Variants in TAF3 observed in about 807,000 individuals in gnomAD.
TAF3 encodes the protein TATA-box binding protein associated factor 3, also known as transcription initiation factor TFIID subunit 3.
TAF3 carries 7 observed loss-of-function variants against 80.6 expected under a neutral mutation model. The observed-to-expected ratio is 0.09, with a 90% CI of 0.05 to 0.16. The LOEUF (loss-of-function observed/expected upper bound fraction) is 0.16. TAF3 is among the 10% of genes least tolerant of loss of function. The pLI, the probability that TAF3 is intolerant of heterozygous loss-of-function variation, is 1.00. For synonymous variants in TAF3, 444 were observed against 446.1 expected (o/e 1.00, Z 0.06); for missense variants, 921 against 1,140.2 (o/e 0.81, Z 2.77).
chr10:7,839,739 G>T (rs760009796), intron 2 of TAF3, among the ~76,000 whole-genome samples: 1 of 151,720 alleles, frequency 6.6e-6, no homozygotes, highest in Non-Finnish European at 1.5e-5. Flanking sequence ...TTCTATTCAG[G>T]TTACTTTTTC....
At chr10:7,977,739 T>C (rs751292283) in intron 4 of TAF3, among the ~76,000 whole-genome samples, 38 of 152,224 alleles carry the variant, frequency 2.5e-4, no homozygotes, top group Non-Finnish European at 5.0e-4. Flanking sequence ...TTTGCTCAGA[T>C]GGCACATGGT....
intron 2 of TAF3, chr10:7,833,847 AC>A (rs1836824916): frequency 1.0e-5 from 8 of 790,190 alleles, no homozygotes; most frequent in Non-Finnish European, 1.0e-5. Context: ...CTTCCTGGGG[AC>A]CGAGGGCTTC....
At chr10:7,958,371 C>G (rs1838157036) in intron 2 of TAF3, among the ~76,000 whole-genome samples, 1 of 152,004 alleles carries the variant, frequency 6.6e-6, no homozygotes, top group African/African-American at 2.4e-5. Context: ...AAGTCGAAAA[C>G]TTTTTTACCA....
chr10:7,997,352 C>T (rs928808744), intron 4 of TAF3, among the ~76,000 whole-genome samples: 1 of 152,226 alleles, frequency 6.6e-6, no homozygotes, highest in Non-Finnish European at 1.5e-5. Flanking sequence ...CTGGTTTCAT[C>T]GTGTTTGCAC....
At chr10:7,935,877 T>C (rs1162605892) in intron 2 of TAF3, among the ~76,000 whole-genome samples, 3 of 152,118 alleles carry the variant, frequency 2.0e-5, no homozygotes, top group Non-Finnish European at 4.4e-5. Context: ...AGAGGGTGTT[T>C]ATAGACCATG....
chr10:7,839,371 T>G (rs960373271), intron 2 of TAF3, among the ~76,000 whole-genome samples: 4 of 152,206 alleles, frequency 2.6e-5, no homozygotes, highest in Non-Finnish European at 5.9e-5. Context: ...TTTCACCATT[T>G]TTTTGGCAGA....
At chr10:7,983,104 T>C (rs1038207174) in intron 4 of TAF3, among the ~76,000 whole-genome samples, 1 of 152,212 alleles carries the variant, frequency 6.6e-6, no homozygotes, top group African/African-American at 2.4e-5. Flanking sequence ...CCCACCCTCC[T>C]CTTCTCATCT....
At chr10:7,858,733 C>T (rs1837107940) in intron 2 of TAF3, among the ~76,000 whole-genome samples, 1 of 152,118 alleles carries the variant, frequency 6.6e-6, no homozygotes, top group South Asian at 2.1e-4. Context: ...ACATGCTTAG[C>T]ACATGTTAGC....
chr10:7,983,567 AAAC>A (rs963692855), intron 4 of TAF3, among the ~76,000 whole-genome samples: 3 of 152,216 alleles, frequency 2.0e-5, no homozygotes, highest in Admixed American at 1.3e-4. Context: ...TTTGATTTAA[AAAC>A]AACAACAACA....
chr10:7,986,464 T>G (rs751643009), intron 4 of TAF3, among the ~76,000 whole-genome samples: 23 of 152,182 alleles, frequency 1.5e-4, no homozygotes, highest in Non-Finnish European at 2.6e-4. Context: ...GTAACTTGAA[T>G]GGAGGCAAAA....
chr10:7,998,840 AAAAAAAAAAG>A (rs1357284529), intron 4 of TAF3, among the ~76,000 whole-genome samples: 2 of 150,296 alleles, frequency 1.3e-5, no homozygotes, highest in East Asian at 3.9e-4. Context: ...CTCCATCTCA[AAAAAAAAAAG>A]AAAAAAAAAG....
intron 2 of TAF3, among the ~76,000 whole-genome samples, chr10:7,847,705 A>G (rs887961151): frequency 4.6e-5 from 7 of 152,220 alleles, no homozygotes; most frequent in Non-Finnish European, 1.0e-4. Flanking sequence ...TTGGCTTCCC[A>G]AAGTGCTGGG....
At position 7,988,220 on chromosome 10, in the gene TAF3, G is replaced by A. The variant is rs150631730; in HGVS notation, c.2315+10897G>A. 4.1e-4 allele frequency among the ~76,000 whole-genome samples: 63 copies of A among 152,208 alleles called. 2 individuals are homozygous for A. In the East Asian group the frequency reaches 0.011, roughly 26 times the overall value. ...CTCATGCCTATAATCCCAGCACTGC[G>A]GGAGGATCGCTTGAGGCTGGGAGTT... On this transcript the variant is annotated intron_variant, in intron 4 of 6. Transcript: ENST00000344293.
chr10:7,823,497 A>G (rs1836709404), intron 1 of TAF3, among the ~76,000 whole-genome samples: 1 of 151,928 alleles, frequency 6.6e-6, no homozygotes, highest in South Asian at 2.1e-4. Context: ...TTACCCAGGC[A>G]TGGTGGCATG....
intron 2 of TAF3, among the ~76,000 whole-genome samples, chr10:7,850,442 G>A (rs1321411210): frequency 6.6e-6 from 1 of 152,172 alleles, no homozygotes. Flanking sequence ...TTGGGAGGCT[G>A]AGGTGGACAG....
rs1356688093 is a variant in TAF3 at position 7,964,965 on chromosome 10, GCCC to G, written c.1459_1461del (p.Pro487del). The G allele has an allele frequency of 3.1e-6, 5 of 1,613,880 alleles. No individual in the cohort carries two copies. Among genetic ancestry groups the G allele is most frequent in the Non-Finnish European group, 4.2e-6 (5 of 1,179,992 alleles). ...CAAAACTGGGAACACCTTCAAATAT[GCCC>G]CCCAACTTTCCTTATATCTCTTCTC... On this transcript the variant is annotated inframe_deletion, in exon 3 of 7. Coordinates refer to ENST00000344293, the MANE Select transcript of TAF3 (RefSeq NM_031923.4). This position sits in a 1 kb window ranked among gnomAD's most constrained non-coding sequence, Gnocchi z 4.1.
intron 1 of TAF3, among the ~76,000 whole-genome samples, chr10:7,819,747 A>G (rs2131094120): frequency 6.6e-6 from 1 of 152,302 alleles, no homozygotes; most frequent in Admixed American, 6.5e-5. Context: ...TCAAGTCATG[A>G]TGTTTAAGGT....
chr10:7,850,751 C>A (rs1455603953), intron 2 of TAF3, among the ~76,000 whole-genome samples: 2 of 152,018 alleles, frequency 1.3e-5, no homozygotes, highest in Non-Finnish European at 2.9e-5. Context: ...AAATATCAGC[C>A]TCACAATACA....
At position 7,989,210 on chromosome 10, in the gene TAF3, C is replaced by G. The variant is rs80012467; in HGVS notation, c.2315+11887C>G. 4.2e-3 allele frequency among the ~76,000 whole-genome samples: 641 copies of G among 151,974 alleles called. 4 individuals are homozygous for G. The highest frequency in any genetic ancestry group is 0.015 in the African/African-American group (615 of 41,420). On this transcript the variant is annotated intron_variant, in intron 4 of 6. Coordinates refer to ENST00000344293, the MANE Select transcript of TAF3 (RefSeq NM_031923.4). Reference sequence around the variant, plus strand: ...ACCAATCACTGTGCCTGTGGAGACACGGTGGCTCTGATTGGCCTGGCTTAT... The same window carrying G: ...ACCAATCACTGTGCCTGTGGAGACAGGGTGGCTCTGATTGGCCTGGCTTAT...
Sources: gnomAD v4.1 joint callset for allele counts (sites outside exome capture counted in the v4.1 genomes callset) on GRCh38, gnomAD v4.1.1 for gene constraint, Gnocchi (gnomAD v3.1) non-coding constraint, MANE v1.5 for transcripts, NCBI Gene and HGNC (gene_info 2026-07-23, HGNC 2026-07-21) for gene names.